Variants in MIOS observed in about 807,000 individuals in gnomAD.
MIOS encodes GATOR2 complex protein MIOS.
A neutral mutation model predicts 96.9 loss-of-function variants in MIOS; 52 were observed. The ratio of observed to expected loss-of-function variants is 0.54; its 90% confidence interval spans 0.43 to 0.68. MIOS has a LOEUF of 0.68. Ranked by LOEUF, MIOS falls within the 30% of genes least tolerant of loss-of-function variation. The pLI is 0.00. For synonymous variants in MIOS, 397 were observed against 359.5 expected (o/e 1.10, Z -1.18); for missense variants, 1,005 against 1,052.8 (o/e 0.95, Z 0.63).
chr7:7,601,089 G>C (rs1784362921), intron 11 of MIOS, among the ~76,000 whole-genome samples: 1 of 152,156 alleles, frequency 6.6e-6, no homozygotes, highest in Non-Finnish European at 1.5e-5. Context: ...GAAATTTATA[G>C]CACTAAATGC....
At chr7:7,594,718 T>C (rs2115458902) in intron 9 of MIOS, among the ~76,000 whole-genome samples, 1 of 152,268 alleles carries the variant, frequency 6.6e-6, no homozygotes. Flanking sequence ...TTTCTTAAAC[T>C]TAACTAAAAG....
Position 7,607,083 on chromosome 7 carries a change from C to T in MIOS, c.2619C>T (p.Val873=). 1 of 1,610,286 alleles carries T rather than the reference C, an allele frequency of 6.2e-7. No individual in the cohort carries two copies. The highest frequency in any genetic ancestry group is 8.5e-7 in the Non-Finnish European group (1 of 1,178,388). ...TTGNLVPAET[V]QP ...GGAATCTGGTACCTGCAGAGACTGT[C>T]CAGCCATAAAATGTTACCACCTTAA... The change falls in exon 13 of 13, where the codon GTC becomes GTT. Residue 873 remains valine, a synonymous_variant. Transcript: ENST00000340080.
Position 7,585,694 on chromosome 7 carries a change from C to T in MIOS, c.1707C>T (p.Asn569=), listed in dbSNP as rs1472467842. 6.2e-7 allele frequency: 1 copy of T among 1,609,832 alleles called. No homozygotes were observed. Among genetic ancestry groups the T allele is most frequent in the East Asian group, 2.2e-5 (1 of 44,488 alleles). ...MALSGYTDEK[N]SLWREMCSTL... The stretch of plus-strand genomic sequence containing the variant: ...TATCGGGTTATACGGATGAGAAGAA[C>T]TCCCTTTGGAGAGAAATGTGTAGCA... Residue 569 remains asparagine, a synonymous_variant, in exon 7 of 13, where the codon AAC becomes AAT. Coordinates refer to ENST00000340080, the MANE Select transcript of MIOS (RefSeq NM_019005.4).
chr7:7,596,529 C>T, intron 11 of MIOS, 68 bp downstream of exon 11: 1 of 1,424,396 alleles, frequency 7.0e-7, no homozygotes, highest in Non-Finnish European at 9.8e-7. Flanking sequence ...GTTAATGTTG[C>T]AAATAAAATA....
chr7:7,591,095 C>G (rs898357177), intron 9 of MIOS, among the ~76,000 whole-genome samples: 3 of 152,054 alleles, frequency 2.0e-5, no homozygotes, highest in Non-Finnish European at 4.4e-5. Flanking sequence ...TTCTTTTTCC[C>G]TTCTGTAAAT....
rs1221821912 is a variant in MIOS at position 7,608,050 on chromosome 7, T to C, written c.*958T>C. 4 of 152,152 alleles carry C rather than the reference T, an allele frequency of 2.6e-5. No homozygotes were observed. The highest frequency in any genetic ancestry group is 5.9e-5 in the Non-Finnish European group (4 of 67,994). 9.4% of individuals were successfully genotyped at this position (152,152 alleles called of 1,614,324 possible). A position where few individuals can be genotyped will look rare whatever the true frequency, so the allele number is the denominator to read the frequency against. ...TGATTTGGAATACCATACCTTGTTC[T>C]TTCCAAGGTAGACTAGGAAGTGTTG... On this transcript the variant is annotated 3_prime_UTR_variant, in exon 13 of 13. Coordinates refer to ENST00000340080, the MANE Select transcript of MIOS (RefSeq NM_019005.4).
chr7:7,582,997 C>G, intron 5 of MIOS, 121 bp from the exon 6 acceptor site: 9 of 1,132,996 alleles, frequency 7.9e-6, no homozygotes, highest in South Asian at 1.8e-5. Flanking sequence ...TTTACACTAT[C>G]ATAAAATTAT....
chr7:7,606,485 T>C (rs541778229), intron 12 of MIOS, among the ~76,000 whole-genome samples: 11 of 152,322 alleles, frequency 7.2e-5, no homozygotes, highest in Middle Eastern at 6.8e-3. Context: ...CAATTAAGAC[T>C]GTCAAGACAT....
At position 7,583,177 on chromosome 7, in the gene MIOS, A is replaced by C. The variant is rs766855202; in HGVS notation, c.1453A>C (p.Asn485His). The C allele has an allele frequency of 2.5e-6, 4 of 1,614,078 alleles. No homozygotes were observed. Among genetic ancestry groups the C allele is most frequent in the Non-Finnish European group, 3.4e-6 (4 of 1,180,022 alleles). Residue 485 changes from asparagine (N) to histidine (H), a missense_variant, in exon 6 of 13, where the codon AAT (asparagine) becomes CAT (histidine). By Grantham distance (68) the Asn-to-His change is moderately conservative. Coordinates refer to ENST00000340080, the MANE Select transcript of MIOS (RefSeq NM_019005.4). ...SGLDKQSDIQ[N>H]LNEERILALQ... ...GTTGGATAAGCAAAGTGATATTCAA[A>C]ATTTAAATGAAGAGAGAATCTTAGC...
intron 9 of MIOS, among the ~76,000 whole-genome samples, chr7:7,594,347 C>T (rs1374450456): frequency 6.6e-6 from 1 of 151,642 alleles, no homozygotes; most frequent in Admixed American, 6.6e-5. Context: ...CATTCTGTCA[C>T]CCAGACTACA....
At chr7:7,574,439 C>G (rs1783461975) in intron 5 of MIOS, among the ~76,000 whole-genome samples, 1 of 152,078 alleles carries the variant, frequency 6.6e-6, no homozygotes, top group Non-Finnish European at 1.5e-5. Flanking sequence ...AATCTATCCA[C>G]ACGTTTATTC....
Position 7,573,664 on chromosome 7 carries a change from C to G in MIOS, c.1189C>G (p.Arg397Gly). The change falls in exon 4 of 13, where the codon CGG (arginine) becomes GGG (glycine). Residue 397 changes from arginine (R) to glycine (G), a missense_variant. Physicochemically the swap from Arg to Gly is moderately radical, Grantham distance 125. This residue lies in a region of MIOS where 865 missense variants were observed against 887.9 expected (regional missense o/e 0.97). Coordinates refer to ENST00000340080, the MANE Select transcript of MIOS (RefSeq NM_019005.4). This position sits in a 1 kb window ranked among gnomAD's most constrained non-coding sequence, Gnocchi z 5.0. Reference sequence around the variant, plus strand: ...AGATATAGCAACGAAGATGCGTCTTCGGGCTTTATCAAGGTATGGACTTGA... The same window carrying G: ...AGATATAGCAACGAAGATGCGTCTTGGGGCTTTATCAAGGTATGGACTTGA... The part of the protein sequence containing the change: ...EKDIATKMRL[R>G]ALSRYGLDTE... 6.2e-7 allele frequency: 1 copy of G among 1,613,900 alleles called. No homozygotes were observed. Among genetic ancestry groups the G allele is most frequent in the East Asian group, 2.2e-5 (1 of 44,884 alleles).
At chr7:7,606,559 C>A (rs1205985116) in intron 12 of MIOS, among the ~76,000 whole-genome samples, 1 of 152,074 alleles carries the variant, frequency 6.6e-6, no homozygotes, top group Non-Finnish European at 1.5e-5. Flanking sequence ...GCATTTATAC[C>A]CAGTTTGTCT....
At chr7:7,599,537 A>G (rs1784309737) in intron 11 of MIOS, among the ~76,000 whole-genome samples, 1 of 152,218 alleles carries the variant, frequency 6.6e-6, no homozygotes, top group Non-Finnish European at 1.5e-5. Context: ...GATTTAATAT[A>G]TGAAGATTGC....
intron 5 of MIOS, among the ~76,000 whole-genome samples, chr7:7,578,063 A>T (rs980397539): frequency 6.6e-6 from 1 of 152,178 alleles, no homozygotes; most frequent in African/African-American, 2.4e-5. Flanking sequence ...TTGGAAGGCT[A>T]TGTGGTTGTG....
chr7:7,570,347 T>C (rs999153491), intron 3 of MIOS, among the ~76,000 whole-genome samples: 1 of 151,976 alleles, frequency 6.6e-6, no homozygotes, highest in African/African-American at 2.4e-5. Context: ...TTGAAATGAT[T>C]GATCTTGGGC....
At chr7:7,588,852 A>T (rs966635245) in intron 8 of MIOS, among the ~76,000 whole-genome samples, 3 of 152,154 alleles carry the variant, frequency 2.0e-5, no homozygotes, top group African/African-American at 7.2e-5. Flanking sequence ...AGGGTTCCTC[A>T]TTTTTACTAC....
intron 11 of MIOS, among the ~76,000 whole-genome samples, chr7:7,599,362 C>A (rs1233274649): frequency 6.6e-6 from 1 of 152,176 alleles, no homozygotes; most frequent in Non-Finnish European, 1.5e-5. Context: ...AAATCCCAAA[C>A]ATCCTGGATT....
chr7:7,609,119 A>G (rs575125111), downstream of MIOS, among the ~76,000 whole-genome samples: 88 of 152,192 alleles, frequency 5.8e-4, no homozygotes, highest in South Asian at 0.017. Flanking sequence ...GATTGAATAA[A>G]TCTGGGTTGA....
Sources: gnomAD v4.1 joint callset for allele counts (sites outside exome capture counted in the v4.1 genomes callset) on GRCh38, gnomAD v4.1.1 for gene constraint, gnomAD v4.1.1 regional missense constraint, Gnocchi (gnomAD v3.1) non-coding constraint, MANE v1.5 for transcripts, NCBI Gene and HGNC (gene_info 2026-07-23, HGNC 2026-07-21) for gene names.